Variants in PARD3B observed in about 807,000 individuals in gnomAD.
PARD3B encodes partitioning defective 3 homolog B.
Under a neutral mutation model 130.2 loss-of-function variants are expected in PARD3B, and 103 were observed. The ratio of observed to expected loss-of-function variants is 0.79; its 90% confidence interval spans 0.67 to 0.93. PARD3B has a LOEUF of 0.93. Among genes scored for constraint, PARD3B ranks in the 40% least tolerant of loss-of-function variants. The pLI is 0.00. For missense variants in PARD3B, 1,609 were observed against 1,499.2 expected, an observed-to-expected ratio of 1.07 and a Z score of -1.21; for synonymous variants, 583 against 553.2, an observed-to-expected ratio of 1.05 and a Z score of -0.76.
intron 3 of PARD3B, among the ~76,000 whole-genome samples, chr2:205,028,244 A>G (rs1050096860): frequency 2.0e-5 from 3 of 152,112 alleles, no homozygotes; most frequent in African/African-American, 4.8e-5. Flanking sequence ...ATTTCTTTCA[A>G]CAACATCTTA....
intron 2 of PARD3B, among the ~76,000 whole-genome samples, chr2:204,845,008 T>C (rs947403456): frequency 2.0e-5 from 3 of 152,172 alleles, no homozygotes; most frequent in African/African-American, 7.2e-5. Context: ...ATTTTCAAGA[T>C]ATAACCTCTC....
intron 3 of PARD3B, among the ~76,000 whole-genome samples, chr2:204,996,644 G>A (rs1309246564): frequency 2.0e-5 from 3 of 150,220 alleles, no homozygotes; most frequent in Non-Finnish European, 4.4e-5. Flanking sequence ...GTTTACCTAA[G>A]CAAGCCTGGG....
At chr2:204,757,524 TTCATA>T (rs2040730023) in intron 2 of PARD3B, among the ~76,000 whole-genome samples, 1 of 152,150 alleles carries the variant, frequency 6.6e-6, no homozygotes, top group South Asian at 2.1e-4. Flanking sequence ...AGCATTTTTT[TTCATA>T]TGTTTGTTGG....
chr2:204,552,469 C>T (rs995486738), intron 1 of PARD3B, among the ~76,000 whole-genome samples: 7 of 152,266 alleles, frequency 4.6e-5, no homozygotes, highest in East Asian at 3.9e-4. Flanking sequence ...AGATGCTTCT[C>T]GACTGATAGA....
intron 15 of PARD3B, among the ~76,000 whole-genome samples, chr2:205,218,555 A>G (rs2038071111): frequency 6.6e-6 from 1 of 152,178 alleles, no homozygotes; most frequent in African/African-American, 2.4e-5. Context: ...AAATCAGTCA[A>G]TCTATAATTA....
At chr2:205,250,186 GTT>G (rs1225072307) in intron 16 of PARD3B, among the ~76,000 whole-genome samples, 1 of 151,234 alleles carries the variant, frequency 6.6e-6, no homozygotes, top group Non-Finnish European at 1.5e-5. Context: ...GCTCCTTTAT[GTT>G]CAGACAGAAA....
chr2:204,917,406 T>C (rs908666816), intron 2 of PARD3B, among the ~76,000 whole-genome samples: 4 of 152,138 alleles, frequency 2.6e-5, no homozygotes, highest in African/African-American at 7.2e-5. Context: ...GTATTCAGGA[T>C]GGATTGATTT....
At chr2:204,756,911 C>T (rs1302334189) in intron 2 of PARD3B, among the ~76,000 whole-genome samples, 1 of 152,112 alleles carries the variant, frequency 6.6e-6, no homozygotes, top group Non-Finnish European at 1.5e-5. Context: ...CCTTTTCCTC[C>T]TTTCTTCCCT....
chr2:204,693,283 G>A (rs1196378539), intron 2 of PARD3B, among the ~76,000 whole-genome samples: 4 of 152,012 alleles, frequency 2.6e-5, no homozygotes, highest in Non-Finnish European at 5.9e-5. Flanking sequence ...CAAGGTTACT[G>A]TAATTGACAA....
chr2:204,903,148 A>C (rs965591194), intron 2 of PARD3B, among the ~76,000 whole-genome samples: 2 of 152,360 alleles, frequency 1.3e-5, no homozygotes, highest in Non-Finnish European at 1.5e-5. Flanking sequence ...GGGTACTTAC[A>C]TTTTAAAATG....
At chr2:205,140,734 A>G (rs1258921973) in intron 10 of PARD3B, among the ~76,000 whole-genome samples, 3 of 152,184 alleles carry the variant, frequency 2.0e-5, no homozygotes, top group South Asian at 4.1e-4. Flanking sequence ...AGATATATGC[A>G]TATTGAATTA....
intron 1 of PARD3B, among the ~76,000 whole-genome samples, chr2:204,661,476 C>G (rs2125184103): frequency 6.6e-6 from 1 of 152,212 alleles, no homozygotes; most frequent in African/African-American, 2.4e-5. Flanking sequence ...TACCTCATGA[C>G]CAGAGGCAGA....
At chr2:205,322,186 A>G (rs1201060327) in intron 18 of PARD3B, among the ~76,000 whole-genome samples, 1 of 152,246 alleles carries the variant, frequency 6.6e-6, no homozygotes, top group African/African-American at 2.4e-5. Flanking sequence ...GAAAACATAA[A>G]TGCACAAAGA....
chr2:204,784,456 C>T (rs1172649707), intron 2 of PARD3B, among the ~76,000 whole-genome samples: 1 of 152,170 alleles, frequency 6.6e-6, no homozygotes, highest in Non-Finnish European at 1.5e-5. Flanking sequence ...AAACTATACC[C>T]TTCTGGTATA....
chr2:204,728,326 T>G (rs1363687617), intron 2 of PARD3B, among the ~76,000 whole-genome samples: 2 of 152,072 alleles, frequency 1.3e-5, no homozygotes, highest in Admixed American at 6.5e-5. Context: ...AGAAGGAAAT[T>G]CAGAAGATCT....
At position 205,530,342 on chromosome 2, in the gene PARD3B, A is replaced by G. The variant is rs760149930; in HGVS notation, c.3181-22982A>G. 3.9e-5 allele frequency among the ~76,000 whole-genome samples: 6 copies of G among 152,212 alleles called. No homozygotes were observed. Among genetic ancestry groups the G allele is most frequent in the Admixed American group, 6.5e-5 (1 of 15,278 alleles). The stretch of plus-strand genomic sequence containing the variant: ...TTTTAGGTGAGGAGTAGATGCCAAC[A>G]TCATAAGGATGTTGATGTAATTTAC... On this transcript the variant is annotated intron_variant, in intron 21 of 22. Coordinates refer to ENST00000406610, the MANE Select transcript of PARD3B (RefSeq NM_001302769.2). This position sits in a 1 kb window ranked among gnomAD's most constrained non-coding sequence, Gnocchi z 4.7.
At chr2:204,680,157 A>G (rs2036758665) in intron 1 of PARD3B, among the ~76,000 whole-genome samples, 1 of 152,054 alleles carries the variant, frequency 6.6e-6, no homozygotes, top group African/African-American at 2.4e-5. Flanking sequence ...TGTTCCTTAA[A>G]TATTAGGAAG....
At position 205,525,690 on chromosome 2, in the gene PARD3B, C is replaced by T. The variant is rs1047462986; in HGVS notation, c.3180+25659C>T. On this transcript the variant is annotated intron_variant, in intron 21 of 22. Transcript: ENST00000406610. The surrounding 1 kb of genome is among the most constrained non-coding windows in gnomAD (Gnocchi z 4.2). ...GGTTCAGAACAGTACACATGAGACC[C>T]AGCATTATCGAAGGCTTATCCTTTC... Among the ~76,000 whole-genome samples, 10 of 152,132 alleles carry T rather than the reference C, an allele frequency of 6.6e-5. No individual in the cohort carries two copies. Among genetic ancestry groups the T allele is most frequent in the Non-Finnish European group, 1.0e-4 (7 of 68,024 alleles).
intron 1 of PARD3B, among the ~76,000 whole-genome samples, chr2:204,621,195 T>TA (rs201036882): frequency 0.018 from 2,690 of 152,212 alleles, 35 homozygotes; most frequent in Middle Eastern, 0.071. Context: ...AAACAGTAGC[T>TA]AAAAAAACTG....
Sources: allele counts gnomAD v4.1 joint callset (sites outside exome capture counted in the v4.1 genomes callset), GRCh38; gene constraint gnomAD v4.1.1; non-coding constraint Gnocchi (gnomAD v3.1); transcripts MANE v1.5; gene names NCBI Gene and HGNC (gene_info 2026-07-23, HGNC 2026-07-21).